Variants in ZNF236 observed in about 807,000 individuals in gnomAD.
ZNF236 encodes the protein regulated by glucose.
In ZNF236, 50 loss-of-function variants were observed where a neutral mutation model predicts 191.2. The observed-to-expected ratio is 0.26, with a 90% CI of 0.21 to 0.33. The LOEUF is 0.33. Ranked by LOEUF, ZNF236 falls within the 10% of genes least tolerant of loss-of-function variation. ZNF236 has a pLI of 1.00. For missense variants in ZNF236, 1,754 were observed against 2,374.5 expected, an observed-to-expected ratio of 0.74 and a Z score of 5.43; for synonymous variants, 907 against 928.8, an observed-to-expected ratio of 0.98 and a Z score of 0.43.
intron 27 of ZNF236, among the ~76,000 whole-genome samples, chr18:76,951,965 A>T (rs982738764): frequency 1.3e-5 from 2 of 152,238 alleles, no homozygotes; most frequent in African/African-American, 4.8e-5. Context: ...ACAAACATTT[A>T]TAGGTTAAGT....
chr18:76,910,277 G>C (rs753988888), intron 15 of ZNF236, 108 bp downstream of exon 15: 52 of 937,254 alleles, frequency 5.5e-5, no homozygotes, highest in Admixed American at 2.6e-4. Context: ...AAAGTGTATG[G>C]TTTCAAACCA....
At chr18:76,948,901 A>G (rs1968337760) in intron 27 of ZNF236, among the ~76,000 whole-genome samples, 1 of 152,162 alleles carries the variant, frequency 6.6e-6, no homozygotes, top group African/African-American at 2.4e-5. Context: ...CATCAGCACA[A>G]ACTATGTGGC....
In ZNF236 at chr18:76,907,226, T is replaced by G. The variant is rs576615713; in HGVS notation, c.2298-1094T>G. ...GAAAACGAAGAGGGAAAATTTTGTT[T>G]GGAACTGAGAATGAAATTCTGAGTA... On this transcript the variant is annotated intron_variant, in intron 13 of 30. Coordinates refer to ENST00000320610, the MANE Select transcript of ZNF236 (RefSeq NM_001306089.2). Among the ~76,000 whole-genome samples the G allele has an allele frequency of 2.6e-5, 4 of 152,360 alleles. No homozygotes were observed. The East Asian group carries it at 7.7e-4, about 29-fold the overall frequency.
chr18:76,871,596 G>A, intron 4 of ZNF236, 105 bp from the exon 5 acceptor site: 1 of 1,290,266 alleles, frequency 7.8e-7, no homozygotes, highest in Non-Finnish European at 1.1e-6. Flanking sequence ...ATTAAAACAG[G>A]TTCTGATGAC....
rs1568195395 is a variant in ZNF236, at chr18:76,851,884, A to G, written c.308A>G (p.Lys103Arg). The change falls in exon 3 of 31, where the codon AAA (lysine) becomes AGA (arginine). Residue 103 changes from lysine (K) to arginine (R), a missense_variant. Lys to Arg is a conservative substitution (Grantham distance 26). Transcript: ENST00000320610. ...EDPTCPVCNKKFSRVASLKAH... is the reference protein window; with the variant it reads ...EDPTCPVCNKRFSRVASLKAH... ...CCTACCTGCCCTGTGTGTAACAAGA[A>G]ATTCTCCAGAGTGGCTAGTCTCAAA... 1 of 1,613,752 alleles carries G rather than the reference A, an allele frequency of 6.2e-7. No individual in the cohort carries two copies. The highest frequency in any genetic ancestry group is 8.5e-7 in the Non-Finnish European group (1 of 1,179,898).
At chr18:76,878,969 G>A (rs998172328) in intron 7 of ZNF236, among the ~76,000 whole-genome samples, 1 of 152,078 alleles carries the variant, frequency 6.6e-6, no homozygotes. Flanking sequence ...AGTGTGGGAT[G>A]GTTCCTCAAT....
At chr18:76,922,152 G>A (rs1474105999) in intron 20 of ZNF236, among the ~76,000 whole-genome samples, 1 of 152,056 alleles carries the variant, frequency 6.6e-6, no homozygotes, top group Non-Finnish European at 1.5e-5. Context: ...TGTTGCATGG[G>A]GATACCAAAT....
At chr18:76,849,848 A>G (rs1975806411) in intron 2 of ZNF236, among the ~76,000 whole-genome samples, 180 bp downstream of exon 2, 1 of 152,244 alleles carries the variant, frequency 6.6e-6, no homozygotes, top group Admixed American at 6.5e-5. Context: ...CTATTATTTG[A>G]TAAGGCGAGA....
chr18:76,864,446 C>T (rs747205570), intron 3 of ZNF236, among the ~76,000 whole-genome samples: 2 of 151,982 alleles, frequency 1.3e-5, no homozygotes, highest in Admixed American at 6.6e-5. Context: ...GTGATCTGCC[C>T]GCCTCGGCCT....
At chr18:76,848,693 T>C (rs1351322091) in intron 1 of ZNF236, among the ~76,000 whole-genome samples, 1 of 152,182 alleles carries the variant, frequency 6.6e-6, no homozygotes, top group Non-Finnish European at 1.5e-5. Flanking sequence ...AGAGACAGGG[T>C]CTTGCTCTGT....
At chr18:76,921,363 G>C (rs1967528548) in intron 20 of ZNF236, among the ~76,000 whole-genome samples, 1 of 152,184 alleles carries the variant, frequency 6.6e-6, no homozygotes, top group African/African-American at 2.4e-5. Context: ...CTAAGTTGAT[G>C]GTGTGATCTG....
chr18:76,891,380 T>C (rs1977228003), intron 9 of ZNF236, among the ~76,000 whole-genome samples: 1 of 152,178 alleles, frequency 6.6e-6, no homozygotes, highest in South Asian at 2.1e-4. Context: ...TATAATTTAA[T>C]AGGTTTTTTT....
intron 9 of ZNF236, among the ~76,000 whole-genome samples, chr18:76,894,464 T>G (rs971108043): frequency 3.3e-5 from 5 of 152,230 alleles, no homozygotes; most frequent in African/African-American, 1.2e-4. Flanking sequence ...CTATTAGAAA[T>G]AGTTTTAAAC....
intron 3 of ZNF236, among the ~76,000 whole-genome samples, chr18:76,860,019 C>A (rs1267599282): frequency 1.3e-5 from 2 of 152,106 alleles, no homozygotes; most frequent in Non-Finnish European, 2.9e-5. Flanking sequence ...CTGCTTTCCA[C>A]CGCTCAGCCG....
Position 76,970,478 on chromosome 18 carries a change from A to ATT in ZNF236, c.*2140_*2141insTT, listed in dbSNP as rs1278738278. 2 of 152,806 alleles carry ATT rather than the reference A, an allele frequency of 1.3e-5. No homozygotes were observed. The highest frequency in any genetic ancestry group is 2.1e-4 in the South Asian group (1 of 4,828). The allele number at this position is 152,806 out of a possible 1,614,324, so 9.5% of individuals were successfully genotyped here. On this transcript the variant is annotated 3_prime_UTR_variant, in exon 31 of 31. Coordinates refer to ENST00000320610, the MANE Select transcript of ZNF236 (RefSeq NM_001306089.2). Reference sequence around the variant, plus strand: ...TATTATTTCGATTTACTTCCTAATTATAAAAGCTGCTTTTTTGCAGAACAT... The same window carrying ATT: ...TATTATTTCGATTTACTTCCTAATTATTTAAAAGCTGCTTTTTTGCAGAACAT...
In ZNF236 at chr18:76,895,141, C is replaced by T. The variant is rs1426914871; in HGVS notation, c.1546C>T (p.Gln516Ter). Reference protein sequence around the residue: ...HTHEKPFKCPQCFRAFAVKST... With the variant: ...HTHEKPFKCP Reference sequence around the variant, plus strand: ...CCACGAGAAGCCCTTCAAGTGCCCGCAGTGCTTCCGCGCCTTCGCCGTGAA... The same window carrying T: ...CCACGAGAAGCCCTTCAAGTGCCCGTAGTGCTTCCGCGCCTTCGCCGTGAA... The change falls in exon 10 of 31, where the codon CAG becomes TAG. Residue 516 changes from glutamine to a stop codon, truncating the protein, a stop_gained. Transcript: ENST00000320610. LOFTEE classifies it high-confidence loss of function. The T allele has an allele frequency of 6.2e-7, 1 of 1,610,342 alleles. No individual in the cohort carries two copies. Among genetic ancestry groups the T allele is most frequent in the Non-Finnish European group, 8.5e-7 (1 of 1,180,010 alleles).
chr18:76,849,877 G>A (rs1975807421), intron 2 of ZNF236, among the ~76,000 whole-genome samples: 2 of 152,164 alleles, frequency 1.3e-5, no homozygotes, highest in South Asian at 4.1e-4. Flanking sequence ...GCTTGTCCTG[G>A]TGAATTTGTA....
At chr18:76,959,573 C>T in intron 28 of ZNF236, 114 bp from the exon 29 acceptor site, 1 of 1,270,630 alleles carries the variant, frequency 7.9e-7, no homozygotes, top group Non-Finnish European at 1.1e-6. Context: ...ACAGATTAGC[C>T]TTTGATTTTG....
chr18:76,894,157 T>C (rs1024048780), intron 9 of ZNF236, among the ~76,000 whole-genome samples: 2 of 152,222 alleles, frequency 1.3e-5, no homozygotes, highest in African/African-American at 4.8e-5. Context: ...TGATTCTAAG[T>C]TTTAGTTACC....
Sources: allele counts gnomAD v4.1 joint callset (sites outside exome capture counted in the v4.1 genomes callset), GRCh38; gene constraint gnomAD v4.1.1; transcripts MANE v1.5; gene names NCBI Gene and HGNC (gene_info 2026-07-23, HGNC 2026-07-21).